The following DLGAP2 variants were observed in gnomAD, a reference collection of about 807,000 sequenced individuals.
DLGAP2 encodes the protein DLG associated protein 2.
DLGAP2 carries 26 observed loss-of-function variants against 100.3 expected under a neutral mutation model. That is an observed-to-expected ratio of 0.26 (90% confidence interval 0.19 to 0.36). The LOEUF is 0.36. DLGAP2 is among the 10% of genes least tolerant of loss of function. DLGAP2 has a pLI of 1.00. For synonymous variants in DLGAP2, 886 were observed against 630.1 expected (o/e 1.41, Z -6.08); for missense variants, 1,858 against 1,453.2 (o/e 1.28, Z -4.53).
chr8:1,201,069 G>A lies in DLGAP2; in HGVS notation c.74-57782G>A, dbSNP rs1253225504. ...GCGTGAGCGGCCAGGCGGGTGCCGA[G>A]ATGCCCAGAGACCAGCACTGGGGAG... On this transcript the variant is annotated intron_variant, in intron 2 of 14. Transcript: ENST00000637795. 3.9e-5 allele frequency among the ~76,000 whole-genome samples: 6 copies of A among 152,322 alleles called. No homozygotes were observed. In the East Asian group the frequency reaches 1.2e-3, roughly 30 times the overall value.
chr8:1,517,169 T>C (rs1800421490), intron 4 of DLGAP2, among the ~76,000 whole-genome samples: 1 of 152,184 alleles, frequency 6.6e-6, no homozygotes, highest in Admixed American at 6.5e-5. Flanking sequence ...GGGCGAGTCC[T>C]GGACGTAGTG....
At chr8:1,474,013 C>G (rs1798869188) in intron 3 of DLGAP2, among the ~76,000 whole-genome samples, 1 of 152,102 alleles carries the variant, frequency 6.6e-6, no homozygotes, top group Non-Finnish European at 1.5e-5. Flanking sequence ...TACATTCTGC[C>G]CAATGTGTAG....
intron 1 of DLGAP2, among the ~76,000 whole-genome samples, chr8:829,094 T>C (rs1396411814): frequency 6.6e-6 from 1 of 152,232 alleles, no homozygotes; most frequent in African/African-American, 2.4e-5. Context: ...TCATTGTTTA[T>C]GAGGCTAAAC....
chr8:795,620 C>CAGTGAGAGCAGGTGTCA (rs1796009851), intron 1 of DLGAP2, among the ~76,000 whole-genome samples: 4 of 150,824 alleles, frequency 2.7e-5, no homozygotes, highest in Admixed American at 2.6e-4. Flanking sequence ...AGCAGGTGTC[C>CAGTGAGAGCAGGTGTCA]AGTGAGAGCA....
At chr8:1,466,807 C>T (rs953836359) in intron 3 of DLGAP2, among the ~76,000 whole-genome samples, 9 of 152,050 alleles carry the variant, frequency 5.9e-5, no homozygotes, top group Admixed American at 5.9e-4. Context: ...TACTGTTTTC[C>T]AGGAAGTGGC....
At chr8:1,630,089 T>C (rs1186455032) in intron 7 of DLGAP2, among the ~76,000 whole-genome samples, 3 of 152,160 alleles carry the variant, frequency 2.0e-5, no homozygotes, top group South Asian at 2.1e-4. Context: ...GTCATTCCTA[T>C]GCAGAGTTCT....
Position 1,080,116 on chromosome 8 carries a change from G to A in DLGAP2, c.73+172150G>A, listed in dbSNP as rs550727791. Among the ~76,000 whole-genome samples the A allele has an allele frequency of 3.7e-3, 558 of 152,342 alleles. 4 individuals are homozygous for A. Among genetic ancestry groups the A allele is most frequent in the Middle Eastern group, 0.017 (5 of 294 alleles). On this transcript the variant is annotated intron_variant, in intron 2 of 14. Transcript: ENST00000637795. ...TCCCCAGCCTCCCAGCCATGTGGCC[G>A]TGCTGCAGGTTCGCTGGGGGGTTGC...
intron 3 of DLGAP2, among the ~76,000 whole-genome samples, chr8:1,330,148 G>T (rs1474465618): frequency 6.6e-6 from 1 of 152,232 alleles, no homozygotes; most frequent in Non-Finnish European, 1.5e-5. Context: ...TGAGGAGGTG[G>T]TGGCAGGAGC....
intron 1 of DLGAP2, among the ~76,000 whole-genome samples, chr8:884,908 T>C (rs1002910710): frequency 3.9e-5 from 6 of 152,192 alleles, no homozygotes; most frequent in Non-Finnish European, 7.3e-5. Flanking sequence ...CCATTACTTG[T>C]TTTTGTCAGG....
chr8:810,275 TTAA>T (rs1796348004), intron 1 of DLGAP2, among the ~76,000 whole-genome samples: 1 of 152,250 alleles, frequency 6.6e-6, no homozygotes, highest in Non-Finnish European at 1.5e-5. Flanking sequence ...ACTTGACAAT[TTAA>T]TATTGCTCAA....
chr8:1,457,704 C>G (rs1021907100), intron 3 of DLGAP2, among the ~76,000 whole-genome samples: 1 of 151,938 alleles, frequency 6.6e-6, no homozygotes, highest in African/African-American at 2.4e-5. Flanking sequence ...CAAAGCATAA[C>G]TTCCTTCATG....
chr8:1,364,452 G>A (rs1802059758), intron 3 of DLGAP2, among the ~76,000 whole-genome samples: 1 of 148,470 alleles, frequency 6.7e-6, no homozygotes, highest in South Asian at 2.3e-4. Context: ...CCAGATTCTG[G>A]TGAAAGGGCA....
chr8:846,816 A>G (rs1225373087), intron 1 of DLGAP2, among the ~76,000 whole-genome samples: 1 of 152,160 alleles, frequency 6.6e-6, no homozygotes, highest in Admixed American at 6.6e-5. Flanking sequence ...ATGAGGTGAT[A>G]TCTCACTGTA....
chr8:781,939 G>C (rs867358015), intron 1 of DLGAP2, among the ~76,000 whole-genome samples: 11 of 152,178 alleles, frequency 7.2e-5, no homozygotes, highest in Non-Finnish European at 8.8e-5. Flanking sequence ...GAGCTGGGGG[G>C]ATGGAGAGAG....
chr8:1,046,775 G>A (rs1802527592), intron 2 of DLGAP2, among the ~76,000 whole-genome samples: 1 of 152,018 alleles, frequency 6.6e-6, no homozygotes, highest in Admixed American at 6.6e-5. Flanking sequence ...AGAGATGCTT[G>A]TGGAATGAGG....
At chr8:1,056,276 C>T (rs772605467) in intron 2 of DLGAP2, among the ~76,000 whole-genome samples, 174 of 152,322 alleles carry the variant, frequency 1.1e-3, no homozygotes, top group Non-Finnish European at 1.2e-3. Flanking sequence ...CCACTCGTGG[C>T]ATCTGTGGCC....
chr8:847,619 ACCTCAG>A (rs1293276411), intron 1 of DLGAP2, among the ~76,000 whole-genome samples: 2 of 151,802 alleles, frequency 1.3e-5, no homozygotes, highest in African/African-American at 4.8e-5. Context: ...CAGTTCTCCC[ACCTCAG>A]CCTCCAGAGT....
At chr8:1,248,308 A>G (rs111715239) in intron 2 of DLGAP2, among the ~76,000 whole-genome samples, 216 of 7,706 alleles carry the variant, frequency 0.028, no homozygotes, top group East Asian at 0.06. Context: ...GTGTGGGAGT[A>G]ATGGCCCACG....
intron 1 of DLGAP2, among the ~76,000 whole-genome samples, chr8:817,266 C>G (rs1563047394): frequency 1.3e-5 from 2 of 152,124 alleles, no homozygotes; most frequent in Middle Eastern, 3.2e-3. Context: ...CTGAGACTTT[C>G]CAGTGCATTT....
Sources: gnomAD v4.1 joint callset for allele counts (sites outside exome capture counted in the v4.1 genomes callset) on GRCh38, gnomAD v4.1.1 for gene constraint, MANE v1.5 for transcripts, NCBI Gene and HGNC (gene_info 2026-07-23, HGNC 2026-07-21) for gene names.